Variants in UBASH3B observed in about 807,000 individuals in gnomAD.
UBASH3B encodes the protein ubiquitin-associated and SH3 domain-containing protein B.
In UBASH3B, 37 loss-of-function variants were observed where a neutral mutation model predicts 83.4. That is an observed-to-expected ratio of 0.44 (90% CI 0.34 to 0.58). The LOEUF (loss-of-function observed/expected upper bound fraction) is 0.58, where lower values mean the gene tolerates loss of function less well. Ranked by LOEUF, UBASH3B falls within the 20% of genes least tolerant of loss-of-function variation. The pLI is 0.01. For missense variants in UBASH3B, 657 were observed against 827.2 expected (o/e 0.79, Z 2.52); for synonymous variants, 304 against 318.3 (o/e 0.96, Z 0.48).
intron 1 of UBASH3B, among the ~76,000 whole-genome samples, chr11:122,762,493 A>C (rs1591802719): frequency 6.6e-6 from 1 of 151,998 alleles, no homozygotes; most frequent in Non-Finnish European, 1.5e-5. Context: ...AAAAATGCAC[A>C]CCCTCCATTG....
intron 10 of UBASH3B, 85 bp downstream of exon 10, chr11:122,799,119 G>A (rs1861206082): frequency 4.4e-6 from 5 of 1,136,278 alleles, no homozygotes; most frequent in Non-Finnish European, 3.9e-6. Flanking sequence ...AGAGCCATGG[G>A]ACATTTGCCA....
chr11:122,787,319 A>G (rs989784926), intron 5 of UBASH3B, among the ~76,000 whole-genome samples: 1 of 152,082 alleles, frequency 6.6e-6, no homozygotes, highest in Non-Finnish European at 1.5e-5. Context: ...AGGTGGTTTG[A>G]GTGTGTATGA....
intron 1 of UBASH3B, among the ~76,000 whole-genome samples, chr11:122,672,576 T>C (rs2135900947): frequency 6.6e-6 from 1 of 152,314 alleles, no homozygotes; most frequent in African/African-American, 2.4e-5. Context: ...TCTGCCTGTT[T>C]CGGCCTCCCA....
rs1555135490 is a variant in UBASH3B at position 122,690,188 on chromosome 11, A to ATATCCAAT, written c.161+33981_161+33982insCCAATTAT. On this transcript the variant is annotated intron_variant, in intron 1 of 13. Coordinates refer to ENST00000284273, the MANE Select transcript of UBASH3B (RefSeq NM_032873.5). Reference sequence around the variant, plus strand: ...AAAACATATATATATATATATATATATATATATATATATATATATATCCAA... The same window carrying ATATCCAAT: ...AAAACATATATATATATATATATATATATCCAATTATATATATATATATATATATCCAA... 8.4e-3 allele frequency among the ~76,000 whole-genome samples: 184 copies of ATATCCAAT among 21,898 alleles called. 4 individuals carry two copies. Among genetic ancestry groups the ATATCCAAT allele is most frequent in the African/African-American group, 0.026 (180 of 6,830 alleles). The allele number at this position is 21,898 out of a possible 152,430, so 14.4% of individuals were successfully genotyped here. A position where few individuals can be genotyped will look rare whatever the true frequency, so the allele number is the denominator to read the frequency against.
rs60346108 is a variant in UBASH3B, at chr11:122,699,531, C to CTCTTTCTTTCTTTCTTTCTTTCTT, written c.161+43343_161+43366dup. Among the ~76,000 whole-genome samples the CTCTTTCTTTCTTTCTTTCTTTCTT allele has an allele frequency of 1.3e-3, 138 of 107,926 alleles. 1 individual carries two copies. The highest frequency in any genetic ancestry group is 5.0e-3 in the Middle Eastern group (1 of 202). The allele number at this position is 107,926 out of a possible 152,430, so 70.8% of individuals were successfully genotyped here. On this transcript the variant is annotated intron_variant, in intron 1 of 13. Transcript: ENST00000284273. ...TTTCTTTCTTTCTCTTTCTTTCTTT[C>CTCTTTCTTTCTTTCTTTCTTTCTT]TCTTTCTTTCTTTCTTTCTTTCTTT...
At chr11:122,752,279 G>T (rs932958185) in intron 1 of UBASH3B, among the ~76,000 whole-genome samples, 4 of 152,070 alleles carry the variant, frequency 2.6e-5, no homozygotes, top group African/African-American at 4.8e-5. Context: ...TTTGAGTGTT[G>T]TCTAGTGCTA....
At chr11:122,713,797 C>T (rs1166563066) in intron 1 of UBASH3B, among the ~76,000 whole-genome samples, 1 of 151,610 alleles carries the variant, frequency 6.6e-6, no homozygotes, top group East Asian at 1.9e-4. Flanking sequence ...AATTCTGATC[C>T]AGTAGGTCTT....
chr11:122,692,958 G>C (rs759831518), intron 1 of UBASH3B, among the ~76,000 whole-genome samples: 6 of 152,240 alleles, frequency 3.9e-5, no homozygotes, highest in Non-Finnish European at 7.3e-5. Context: ...TCCGAAAAGA[G>C]AGTCAGCAAA....
rs550602898 is a variant in UBASH3B, at chr11:122,798,616, C to A, written c.1358-326C>A. ...CTCCCAGCTACTCGGGAGGCTGAGG[C>A]AGGAGAATGGCTTGAACCCGGGAGG... On this transcript the variant is annotated intron_variant, in intron 9 of 13. Transcript: ENST00000284273. Among the ~76,000 whole-genome samples the A allele has an allele frequency of 1.7e-4, 26 of 149,888 alleles. No homozygotes were observed. The South Asian group carries it at 5.2e-3, about 30-fold the overall frequency.
intron 1 of UBASH3B, among the ~76,000 whole-genome samples, chr11:122,768,660 C>T (rs1370090728): frequency 6.6e-6 from 1 of 152,048 alleles, no homozygotes; most frequent in Non-Finnish European, 1.5e-5. Context: ...CAGCCACCAC[C>T]AGGCCCAGCT....
At chr11:122,658,882 A>G (rs956355369) in intron 1 of UBASH3B, among the ~76,000 whole-genome samples, 6 of 152,250 alleles carry the variant, frequency 3.9e-5, no homozygotes, top group African/African-American at 1.4e-4. Context: ...TTCTCTCACA[A>G]TTGTAGAGAC....
At chr11:122,799,176 C>T (rs1436071845) in intron 10 of UBASH3B, 142 bp downstream of exon 10, 11 of 734,974 alleles carry the variant, frequency 1.5e-5, no homozygotes, top group Non-Finnish European at 2.5e-5. Flanking sequence ...TTTCAGAAGG[C>T]GATCTTTGCA....
intron 1 of UBASH3B, among the ~76,000 whole-genome samples, chr11:122,774,589 G>T (rs1860701505): frequency 6.6e-6 from 1 of 152,174 alleles, no homozygotes; most frequent in South Asian, 2.1e-4. Context: ...CCATAGAAGG[G>T]TAGGACAAGG....
intron 6 of UBASH3B, among the ~76,000 whole-genome samples, chr11:122,793,628 T>C (rs1861098656): frequency 6.6e-6 from 1 of 152,256 alleles, no homozygotes; most frequent in Admixed American, 6.5e-5. Flanking sequence ...TACATTGCAA[T>C]GTTTATTAGA....
chr11:122,755,470 A>C (rs554314526), intron 1 of UBASH3B, among the ~76,000 whole-genome samples: 54 of 152,110 alleles, frequency 3.6e-4, no homozygotes, highest in Non-Finnish European at 6.9e-4. Context: ...GGGTGTGGCC[A>C]CATGGAGTGC....
intron 1 of UBASH3B, among the ~76,000 whole-genome samples, chr11:122,665,380 TG>T (rs1039416387): frequency 6.6e-6 from 1 of 152,158 alleles, no homozygotes; most frequent in African/African-American, 2.4e-5. Flanking sequence ...TTTGTAGAGA[TG>T]GGGGTCTCAC....
At chr11:122,699,216 A>G (rs538299688) in intron 1 of UBASH3B, among the ~76,000 whole-genome samples, 1 of 152,354 alleles carries the variant, frequency 6.6e-6, no homozygotes, top group African/African-American at 2.4e-5. Flanking sequence ...GGTATCTATT[A>G]GGTGCCTGCT....
chr11:122,712,115 GA>G lies in UBASH3B; in HGVS notation c.161+55906del, dbSNP rs574028495. On this transcript the variant is annotated intron_variant, in intron 1 of 13. Coordinates refer to ENST00000284273, the MANE Select transcript of UBASH3B (RefSeq NM_032873.5). ...AGGGGGAAAAAACTTCTCTGAAAAT[GA>G]GGGAGTGATTTGCAGCATCTGTTAT... 1.4e-4 allele frequency among the ~76,000 whole-genome samples: 21 copies of G among 152,022 alleles called. No individual in the cohort carries two copies. The South Asian group carries it at 4.4e-3, about 32-fold the overall frequency.
At chr11:122,676,665 G>A (rs1251018481) in intron 1 of UBASH3B, among the ~76,000 whole-genome samples, 1 of 152,180 alleles carries the variant, frequency 6.6e-6, no homozygotes, top group Non-Finnish European at 1.5e-5. Flanking sequence ...AGCCAAGAAT[G>A]TGCCACTGTA....
Sources: gnomAD v4.1 joint callset for allele counts (sites outside exome capture counted in the v4.1 genomes callset) on GRCh38, gnomAD v4.1.1 for gene constraint, MANE v1.5 for transcripts, NCBI Gene and HGNC (gene_info 2026-07-23, HGNC 2026-07-21) for gene names.